The following KDM4C variants were observed in gnomAD, a reference collection of about 807,000 sequenced individuals.
The protein encoded by KDM4C is lysine-specific demethylase 4C.
In KDM4C, 81 loss-of-function variants were observed where a neutral mutation model predicts 129.3. The ratio of observed to expected loss-of-function variants is 0.63; its 90% confidence interval spans 0.52 to 0.75. The LOEUF (loss-of-function observed/expected upper bound fraction) is 0.75, where lower values mean the gene tolerates loss of function less well. Ranked by LOEUF, KDM4C falls within the 30% of genes least tolerant of loss-of-function variation. The pLI is 0.00. For synonymous variants in KDM4C, 573 were observed against 456.1 expected (o/e 1.26, Z -3.26); for missense variants, 1,457 against 1,304.0 (o/e 1.12, Z -1.81).
intron 8 of KDM4C, among the ~76,000 whole-genome samples, chr9:6,924,410 G>A (rs1396203788): frequency 1.3e-5 from 2 of 152,140 alleles, no homozygotes; most frequent in Non-Finnish European, 2.9e-5. Context: ...GCCCAGGCAG[G>A]AAATTACAAG....
At chr9:6,984,018 A>C (rs1299910952) in intron 9 of KDM4C, 148 bp from the exon 10 acceptor site, 1 of 505,286 alleles carries the variant, frequency 2.0e-6, no homozygotes. Context: ...AAATTTAATC[A>C]TTCAGTTGTG....
At chr9:6,892,433 CAG>C (rs1846228385) in intron 7 of KDM4C, among the ~76,000 whole-genome samples, 1 of 151,910 alleles carries the variant, frequency 6.6e-6, no homozygotes, top group East Asian at 1.9e-4. Flanking sequence ...AAAATAGAAA[CAG>C]GGTAAATACA....
In KDM4C at chr9:6,951,325, T is replaced by C. The variant is rs4742274; in HGVS notation, c.922-29600T>C. ...TAACACATCTCTCCCTGTCCTTATA[T>C]GCTTTTGAGTTATAAATTAAAACCT... On this transcript the variant is annotated intron_variant, in intron 8 of 21. Coordinates refer to ENST00000381309, the MANE Select transcript of KDM4C (RefSeq NM_015061.6). Among the ~76,000 whole-genome samples, 860 of 152,374 alleles carry C rather than the reference T, an allele frequency of 5.6e-3. 21 individuals carry two copies. The highest frequency in any genetic ancestry group is 0.054 in the Admixed American group (831 of 15,306).
chr9:7,005,174 A>G (rs951858142), intron 12 of KDM4C, among the ~76,000 whole-genome samples: 1 of 152,094 alleles, frequency 6.6e-6, no homozygotes, highest in Non-Finnish European at 1.5e-5. Flanking sequence ...AGTGGCTCAC[A>G]CCTGTAATCC....
At chr9:6,786,679 CAA>C (rs1279611918) in intron 1 of KDM4C, among the ~76,000 whole-genome samples, 5 of 152,100 alleles carry the variant, frequency 3.3e-5, no homozygotes, top group Non-Finnish European at 2.9e-5. Context: ...AAAAGAGAAA[CAA>C]GAGGGACTGG....
intron 8 of KDM4C, among the ~76,000 whole-genome samples, chr9:6,930,748 A>G (rs971938537): frequency 1.5e-5 from 2 of 134,792 alleles, no homozygotes; most frequent in African/African-American, 5.1e-5. Flanking sequence ...ATTATTATGT[A>G]TCATATATAT....
intron 8 of KDM4C, among the ~76,000 whole-genome samples, chr9:6,949,528 C>A (rs1251666416): frequency 6.6e-6 from 1 of 152,208 alleles, no homozygotes; most frequent in Non-Finnish European, 1.5e-5. Context: ...AAGATCACGC[C>A]ACTGCCCTCC....
intron 1 of KDM4C, among the ~76,000 whole-genome samples, chr9:6,761,583 G>A (rs1011533343): frequency 6.6e-6 from 1 of 152,178 alleles, no homozygotes; most frequent in Non-Finnish European, 1.5e-5. Flanking sequence ...GCCTCCCAAA[G>A]TGCTAGGATG....
At chr9:6,803,399 C>T (rs900729659) in intron 2 of KDM4C, among the ~76,000 whole-genome samples, 2 of 151,768 alleles carry the variant, frequency 1.3e-5, no homozygotes, top group Admixed American at 1.3e-4. Flanking sequence ...GGTGAAAACT[C>T]GTCCTATTAA....
chr9:7,007,726 C>G (rs818877), intron 12 of KDM4C, among the ~76,000 whole-genome samples: 108,788 of 152,022 alleles, frequency 0.72, 40,025 homozygotes, highest in Non-Finnish European at 0.8. Flanking sequence ...AAAGAAGATT[C>G]TTTTATTTCC....
chr9:6,891,815 G>C (rs114634838), intron 7 of KDM4C, among the ~76,000 whole-genome samples: 3 of 151,982 alleles, frequency 2.0e-5, no homozygotes, highest in Admixed American at 1.3e-4. Context: ...ATTTTCTGAG[G>C]TTGATATATT....
chr9:7,100,506 A>C (rs546294243), intron 17 of KDM4C, among the ~76,000 whole-genome samples: 60 of 152,008 alleles, frequency 3.9e-4, no homozygotes, highest in South Asian at 3.5e-3. Context: ...CTCCTGGCTA[A>C]TTTTTGTATT....
At chr9:6,749,883 G>A (rs1818012126) in intron 1 of KDM4C, among the ~76,000 whole-genome samples, 1 of 150,754 alleles carries the variant, frequency 6.6e-6, no homozygotes, top group Non-Finnish European at 1.5e-5. Context: ...CTACTTGGGA[G>A]GCCGAGGCAC....
chr9:6,775,142 G>A (rs1326978703), intron 1 of KDM4C, among the ~76,000 whole-genome samples: 1 of 152,104 alleles, frequency 6.6e-6, no homozygotes, highest in Non-Finnish European at 1.5e-5. Context: ...TCAGCCTCCC[G>A]AGTAGCTGGG....
chr9:7,124,924 G>C (rs2133323103), intron 18 of KDM4C, among the ~76,000 whole-genome samples: 1 of 152,188 alleles, frequency 6.6e-6, no homozygotes, highest in Non-Finnish European at 1.5e-5. Context: ...CAAATCATGA[G>C]CATTCTTGTC....
At chr9:6,857,775 G>C (rs1840134205) in intron 5 of KDM4C, among the ~76,000 whole-genome samples, 1 of 134,560 alleles carries the variant, frequency 7.4e-6, no homozygotes, top group South Asian at 2.2e-4. Context: ...TTTTTTTTAA[G>C]ACAGGGTCTC....
chr9:6,996,808 C>T (rs867758204), intron 12 of KDM4C, among the ~76,000 whole-genome samples: 95 of 152,202 alleles, frequency 6.2e-4, no homozygotes, highest in African/African-American at 2.2e-3. Flanking sequence ...TTTTAGTTTT[C>T]TTTTTTATGC....
At chr9:6,794,288 C>G (rs747755361) in intron 2 of KDM4C, among the ~76,000 whole-genome samples, 2 of 152,114 alleles carry the variant, frequency 1.3e-5, no homozygotes, top group Admixed American at 6.6e-5. Context: ...AAGCACAGAT[C>G]CAAAGGATAA....
chr9:7,108,540 A>T lies in KDM4C; in HGVS notation c.2610+4670A>T, dbSNP rs1294611857. Among the ~76,000 whole-genome samples the T allele has an allele frequency of 2.0e-5, 3 of 152,150 alleles. No homozygotes were observed. In the East Asian group the frequency reaches 5.8e-4, roughly 29 times the overall value. On this transcript the variant is annotated intron_variant, in intron 18 of 21. Coordinates refer to ENST00000381309, the MANE Select transcript of KDM4C (RefSeq NM_015061.6). The stretch of plus-strand genomic sequence containing the variant: ...GCATGAGCCACTGCGCCCAGCCTGA[A>T]TGCTTTTTCCAGCCTCTGGGTCTTT...
Sources: allele counts gnomAD v4.1 joint callset (sites outside exome capture counted in the v4.1 genomes callset), GRCh38; gene constraint gnomAD v4.1.1; transcripts MANE v1.5; gene names NCBI Gene and HGNC (gene_info 2026-07-23, HGNC 2026-07-21).